The following MRPS5 variants were observed in gnomAD, a reference collection of about 807,000 sequenced individuals.
MRPS5 encodes small ribosomal subunit protein uS5m.
In MRPS5, 27 loss-of-function variants were observed where a neutral mutation model predicts 51.9. The observed-to-expected ratio is 0.52, with a 90% CI of 0.38 to 0.72. MRPS5 has a LOEUF of 0.72. MRPS5 is among the 30% of genes least tolerant of loss of function. The pLI is 0.00. For missense variants in MRPS5, 570 were observed against 545.7 expected (o/e 1.04, Z -0.44); for synonymous variants, 196 against 193.2 (o/e 1.01, Z -0.12).
chr2:95,120,552 T>A (rs942652057), intron 1 of MRPS5, among the ~76,000 whole-genome samples: 3 of 152,224 alleles, frequency 2.0e-5, no homozygotes, highest in African/African-American at 7.2e-5. Context: ...AAATGTACAC[T>A]TTAAACGGAT....
chr2:95,110,896 T>C (rs1384644411), intron 3 of MRPS5, among the ~76,000 whole-genome samples: 3 of 152,204 alleles, frequency 2.0e-5, no homozygotes, highest in Non-Finnish European at 4.4e-5. Flanking sequence ...TCTATATAAC[T>C]GAAATACTAA....
Position 95,117,943 on chromosome 2 carries a change from G to C in MRPS5, c.61C>G (p.His21Asp). 6.3e-7 allele frequency: 1 copy of C among 1,590,362 alleles called. No individual in the cohort carries two copies. The highest frequency in any genetic ancestry group is 8.5e-7 in the Non-Finnish European group (1 of 1,173,576). The change falls in exon 2 of 12, where the codon CAT becomes GAT. Residue 21 changes from histidine (H) to aspartate (D), a missense_variant and splice_region_variant. Transcript: ENST00000272418. ...LPVLCSGTAGHLLGRQCSLNT... is the reference protein window; with the variant it reads ...LPVLCSGTAGDLLGRQCSLNT... ...AGGGAACACTGCCTCCCCAATAAAT[G>C]ACCTGCAAATTGGAAAAAAAAAAAT...
At chr2:95,091,331 G>A (rs1333919829) in intron 10 of MRPS5, 1 of 153,190 alleles carries the variant, frequency 6.5e-6, no homozygotes, top group African/African-American at 2.4e-5. Flanking sequence ...CACCTTCAAG[G>A]TCCCACTCAA....
At position 95,087,253 on chromosome 2, in the gene MRPS5, C is replaced by T; in HGVS notation, c.*104G>A. On this transcript the variant is annotated 3_prime_UTR_variant, in exon 12 of 12. Transcript: ENST00000272418. ...TCCAAAGAGTTTAAAGATTAAACTTCCCTCAAAACAAACAAAAGGCAAGGT... is the reference window on the plus strand; with the variant it reads ...TCCAAAGAGTTTAAAGATTAAACTTTCCTCAAAACAAACAAAAGGCAAGGT... 1.3e-6 allele frequency: 1 copy of T among 784,078 alleles called. No individual in the cohort carries two copies. Among genetic ancestry groups the T allele is most frequent in the East Asian group, 2.6e-5 (1 of 38,362 alleles). 48.6% of individuals were successfully genotyped at this position (784,078 alleles called of 1,614,324 possible). A position where few individuals can be genotyped will look rare whatever the true frequency, so the allele number is the denominator to read the frequency against.
At chr2:95,087,687 G>A (rs1675338187) in intron 11 of MRPS5, 106 bp from the exon 12 acceptor site, 12 of 919,642 alleles carry the variant, frequency 1.3e-5, no homozygotes, top group East Asian at 5.1e-5. Context: ...GTATTCAAAG[G>A]CCATTTCAGT....
chr2:95,090,621 A>C, intron 10 of MRPS5, 99 bp from the exon 11 acceptor site: 1 of 1,403,272 alleles, frequency 7.1e-7, no homozygotes, highest in Non-Finnish European at 9.8e-7. Context: ...GGGCTTCGGG[A>C]AACTGGTTCA....
intron 3 of MRPS5, 66 bp downstream of exon 3, chr2:95,115,000 A>G (rs1676243214): frequency 4.3e-6 from 6 of 1,386,936 alleles, no homozygotes; most frequent in Non-Finnish European, 5.7e-6. Context: ...AAAAGAAGAA[A>G]AATTCAGATA....
At chr2:95,089,641 G>A (rs923747439) in intron 11 of MRPS5, among the ~76,000 whole-genome samples, 7 of 152,110 alleles carry the variant, frequency 4.6e-5, no homozygotes, top group Non-Finnish European at 2.9e-5. Context: ...GCATCAGTCC[G>A]AACCACCTAC....
chr2:95,104,374 T>C, intron 7 of MRPS5: 1 of 468,062 alleles, frequency 2.1e-6, no homozygotes, highest in Non-Finnish European at 3.9e-6. Flanking sequence ...TTTTCCACTA[T>C]TATACATAAT....
chr2:95,117,746 AT>A lies in MRPS5; in HGVS notation c.139+118del. On this transcript the variant is annotated intron_variant, in intron 2 of 11. Transcript: ENST00000272418. ...GCAGTAAGACTAACCAGGCTAAAAA[AT>A]GAAAAAAGAAAAGAGAGAAAAGAAA... 3.7e-6 allele frequency: 3 copies of A among 817,428 alleles called. No homozygotes were observed. In the East Asian group the frequency reaches 8.1e-5, roughly 22 times the overall value. 50.6% of individuals were successfully genotyped at this position (817,428 alleles called of 1,614,324 possible). A position where few individuals can be genotyped will look rare whatever the true frequency, so the allele number is the denominator to read the frequency against.
At chr2:95,098,739 A>ATGAC (rs998618927) in intron 10 of MRPS5, among the ~76,000 whole-genome samples, 3 of 152,024 alleles carry the variant, frequency 2.0e-5, no homozygotes, top group African/African-American at 7.2e-5. Flanking sequence ...CCTAATGTAA[A>ATGAC]TGACGAGTTA....
chr2:95,101,832 C>T, intron 7 of MRPS5, 109 bp from the exon 8 acceptor site: 1 of 690,522 alleles, frequency 1.4e-6, no homozygotes, highest in Non-Finnish European at 2.5e-6. Flanking sequence ...CTTCATCTTT[C>T]CACCACCCAC....
intron 10 of MRPS5, chr2:95,091,101 T>G (rs1359593858): frequency 1.3e-5 from 2 of 153,302 alleles, no homozygotes; most frequent in Admixed American, 1.3e-4. Flanking sequence ...CCAAACAAGT[T>G]GCTCCCCATT....
intron 7 of MRPS5, chr2:95,103,603 G>A (rs754074007): frequency 4.6e-5 from 7 of 152,170 alleles, no homozygotes; most frequent in Admixed American, 6.5e-5. Context: ...TATACTTGCA[G>A]AAGTAAAACA....
Position 95,106,663 on chromosome 2 carries a change from C to T in MRPS5, c.638-206G>A, listed in dbSNP as rs557484218. On this transcript the variant is annotated intron_variant, in intron 5 of 11. Transcript: ENST00000272418. Reference sequence around the variant, plus strand: ...AGTTCATAAACTCAGTCACTGATCTCCCCACCTGCACCCTCCTCCCCATCC... The same window carrying T: ...AGTTCATAAACTCAGTCACTGATCTTCCCACCTGCACCCTCCTCCCCATCC... The T allele has an allele frequency of 6.5e-5, 39 of 596,550 alleles. No homozygotes were observed. The South Asian group carries it at 7.2e-4, about 11-fold the overall frequency. The allele number at this position is 596,550 out of a possible 1,614,324, so 37.0% of individuals were successfully genotyped here. A position where few individuals can be genotyped will look rare whatever the true frequency, so the allele number is the denominator to read the frequency against.
At chr2:95,097,195 C>G (rs1467645237) in intron 10 of MRPS5, among the ~76,000 whole-genome samples, 1 of 152,118 alleles carries the variant, frequency 6.6e-6, no homozygotes, top group African/African-American at 2.4e-5. Flanking sequence ...AAAGAGGACA[C>G]AAACAAATGG....
intron 10 of MRPS5, 113 bp from the exon 11 acceptor site, chr2:95,090,635 T>C: frequency 8.2e-7 from 1 of 1,226,452 alleles, no homozygotes; most frequent in Non-Finnish European, 1.2e-6. Context: ...TGGTTCATAT[T>C]CTGGTATCAC....
intron 3 of MRPS5, among the ~76,000 whole-genome samples, chr2:95,114,139 A>G (rs1676212921): frequency 6.6e-6 from 1 of 151,600 alleles, no homozygotes; most frequent in Non-Finnish European, 1.5e-5. Context: ...AAAAAAAAAA[A>G]AAAAAGGCAG....
chr2:95,115,193 T>C lies in MRPS5; in HGVS notation c.150A>G (p.Ser50=). 6.2e-7 allele frequency: 1 copy of C among 1,601,852 alleles called. No homozygotes were observed. The highest frequency in any genetic ancestry group is 1.7e-4 in the Middle Eastern group (1 of 6,004). ...GATGGGTGTCTCTGGTTCCCAGTGATGACAAATGGCCTGTAGGCAGATGGG... is the reference window on the plus strand; with the variant it reads ...GATGGGTGTCTCTGGTTCCCAGTGACGACAAATGGCCTGTAGGCAGATGGG... ...WKSVLGNGHL[S]SLGTRDTHPY... The change falls in exon 3 of 12, where the codon TCA becomes TCG. Residue 50 remains serine, a synonymous_variant. Coordinates refer to ENST00000272418, the MANE Select transcript of MRPS5 (RefSeq NM_031902.5).
Sources: gnomAD v4.1 joint callset for allele counts (sites outside exome capture counted in the v4.1 genomes callset) on GRCh38, gnomAD v4.1.1 for gene constraint, MANE v1.5 for transcripts, NCBI Gene and HGNC (gene_info 2026-07-23, HGNC 2026-07-21) for gene names.